The following ADCY2 variants were observed in gnomAD, a reference collection of about 807,000 sequenced individuals.
ADCY2 encodes adenylate cyclase type 2.
ADCY2 carries 31 observed loss-of-function variants against 125.2 expected under a neutral mutation model. The observed-to-expected ratio is 0.25, with a 90% CI of 0.19 to 0.33. The LOEUF is 0.33. ADCY2 is among the 10% of genes least tolerant of loss of function. The pLI is 1.00. For synonymous variants in ADCY2, 512 were observed against 548.4 expected, an observed-to-expected ratio of 0.93 and a Z score of 0.93; for missense variants, 904 against 1,418.2, an observed-to-expected ratio of 0.64 and a Z score of 5.82.
chr5:7,733,828 T>C (rs1156795356), intron 14 of ADCY2, among the ~76,000 whole-genome samples: 2 of 152,206 alleles, frequency 1.3e-5, no homozygotes, highest in East Asian at 3.9e-4. Flanking sequence ...AAGGTAGAAC[T>C]CTTCTTACTT....
intron 2 of ADCY2, among the ~76,000 whole-genome samples, chr5:7,439,509 A>G (rs1740927737): frequency 6.9e-6 from 1 of 145,826 alleles, no homozygotes; most frequent in South Asian, 2.3e-4. Context: ...GGGTGGAGAC[A>G]TAGCCAAATT....
chr5:7,550,925 A>G (rs1353975), intron 3 of ADCY2, among the ~76,000 whole-genome samples: 45,797 of 151,786 alleles, frequency 0.3, 8,096 homozygotes, highest in Non-Finnish European at 0.4. Flanking sequence ...CACAATTTCT[A>G]TTCATCATTT....
chr5:7,649,488 T>C (rs1236297983), intron 4 of ADCY2, among the ~76,000 whole-genome samples: 1 of 152,216 alleles, frequency 6.6e-6, no homozygotes, highest in Admixed American at 6.5e-5. Context: ...TATTTTTTCT[T>C]CTGTTTATTG....
intron 12 of ADCY2, among the ~76,000 whole-genome samples, chr5:7,720,383 TG>T (rs1741720156): frequency 6.6e-6 from 1 of 152,230 alleles, no homozygotes; most frequent in Non-Finnish European, 1.5e-5. Flanking sequence ...TACAGCATGA[TG>T]TGTTCAGCAA....
chr5:7,603,577 A>G (rs1737289090), intron 3 of ADCY2, among the ~76,000 whole-genome samples: 1 of 152,168 alleles, frequency 6.6e-6, no homozygotes, highest in Admixed American at 6.5e-5. Context: ...GAGAGTGCCC[A>G]TGCAGCCATT....
At chr5:7,547,152 C>A (rs561713591) in intron 3 of ADCY2, among the ~76,000 whole-genome samples, 1 of 152,160 alleles carries the variant, frequency 6.6e-6, no homozygotes, top group Non-Finnish European at 1.5e-5. Context: ...GGGGGTGTCA[C>A]ACCACAAGTG....
At chr5:7,464,702 T>A (rs1245522005) in intron 2 of ADCY2, among the ~76,000 whole-genome samples, 1 of 151,832 alleles carries the variant, frequency 6.6e-6, no homozygotes, top group Non-Finnish European at 1.5e-5. Context: ...TGTGAAGGAG[T>A]CAAAATGACC....
intron 3 of ADCY2, among the ~76,000 whole-genome samples, chr5:7,549,822 G>A (rs1004577): frequency 0.36 from 54,973 of 151,994 alleles, 10,637 homozygotes; most frequent in Non-Finnish European, 0.4. Context: ...GCCCTAGGTC[G>A]TACCCGGAAG....
chr5:7,789,528 TG>T (rs1560997561), intron 19 of ADCY2, 113 bp from the exon 20 acceptor site: 2 of 1,032,828 alleles, frequency 1.9e-6, no homozygotes, highest in Non-Finnish European at 2.9e-6. Context: ...AAGTTCTGTT[TG>T]GGGGTTCTTT....
intron 3 of ADCY2, among the ~76,000 whole-genome samples, chr5:7,522,930 A>C (rs1744509221): frequency 6.6e-6 from 1 of 151,832 alleles, no homozygotes; most frequent in Non-Finnish European, 1.5e-5. Context: ...CGTCTCAAAA[A>C]AAAAACAAAA....
intron 15 of ADCY2, among the ~76,000 whole-genome samples, chr5:7,751,114 G>A (rs187844528): frequency 1.2e-4 from 18 of 152,136 alleles, no homozygotes; most frequent in Non-Finnish European, 2.9e-5. Context: ...AGTTCATCCA[G>A]TTCCTCAATA....
chr5:7,772,529 G>T (rs1051984743), intron 17 of ADCY2, among the ~76,000 whole-genome samples: 1 of 152,118 alleles, frequency 6.6e-6, no homozygotes, highest in Non-Finnish European at 1.5e-5. Flanking sequence ...ATGAATTAAA[G>T]AATTGAAAGG....
chr5:7,766,233 T>G (rs1743373228), intron 16 of ADCY2, among the ~76,000 whole-genome samples: 1 of 152,190 alleles, frequency 6.6e-6, no homozygotes. Flanking sequence ...AAATTAATTT[T>G]CATTCTAAAC....
intron 4 of ADCY2, chr5:7,654,018 TG>T (rs1411682275): frequency 6.6e-6 from 3 of 455,794 alleles, no homozygotes; most frequent in Non-Finnish European, 1.3e-5. Flanking sequence ...CTAGAGGTCA[TG>T]GACCTGCGCT....
chr5:7,432,374 G>A (rs536777600), intron 2 of ADCY2, among the ~76,000 whole-genome samples: 1 of 152,190 alleles, frequency 6.6e-6, no homozygotes, highest in Admixed American at 6.5e-5. Context: ...GTCCGCAGAT[G>A]ACAAAGCTAA....
intron 2 of ADCY2, among the ~76,000 whole-genome samples, chr5:7,515,665 G>A (rs17826564): frequency 0.086 from 13,070 of 152,272 alleles, 773 homozygotes; most frequent in Non-Finnish European, 0.13. Flanking sequence ...TGCATTTGGT[G>A]AGTAGATGCT....
At chr5:7,556,534 A>G (rs556177805) in intron 3 of ADCY2, among the ~76,000 whole-genome samples, 1 of 152,236 alleles carries the variant, frequency 6.6e-6, no homozygotes, top group Non-Finnish European at 1.5e-5. Context: ...TTCATACGGG[A>G]AGTTTCAACA....
chr5:7,828,180 CA>C lies in ADCY2; in HGVS notation c.*1313del, dbSNP rs1745546756. On this transcript the variant is annotated 3_prime_UTR_variant, in exon 25 of 25. Transcript: ENST00000338316. ...TCGTGTATAAGCTAATGTTTAAAAG[CA>C]AAACTGCAAATTGTAGCCCAGTTGG... 5.9e-5 allele frequency: 9 copies of C among 152,784 alleles called. No individual in the cohort carries two copies. The highest frequency in any genetic ancestry group is 3.3e-4 in the Admixed American group (5 of 15,276). The allele number at this position is 152,784 out of a possible 1,614,324, so 9.5% of individuals were successfully genotyped here. A position where few individuals can be genotyped will look rare whatever the true frequency, so the allele number is the denominator to read the frequency against.
intron 3 of ADCY2, among the ~76,000 whole-genome samples, chr5:7,598,888 C>G (rs1391880178): frequency 6.6e-6 from 1 of 152,230 alleles, no homozygotes. Flanking sequence ...TCTCCCCACC[C>G]TCTGTTGGAA....
Sources: gnomAD v4.1 joint callset for allele counts (sites outside exome capture counted in the v4.1 genomes callset) on GRCh38, gnomAD v4.1.1 for gene constraint, MANE v1.5 for transcripts, NCBI Gene and HGNC (gene_info 2026-07-23, HGNC 2026-07-21) for gene names.